The following MACROD2 variants were observed in gnomAD, a reference collection of about 807,000 sequenced individuals.
MACROD2 encodes mono-ADP ribosylhydrolase 2.
In MACROD2, 36 loss-of-function variants were observed where a neutral mutation model predicts 70.4. The ratio of observed to expected loss-of-function variants is 0.51; its 90% confidence interval spans 0.39 to 0.68. The LOEUF (loss-of-function observed/expected upper bound fraction) is 0.68, where lower values mean the gene tolerates loss of function less well. Ranked by LOEUF, MACROD2 falls within the 30% of genes least tolerant of loss-of-function variation. MACROD2 has a pLI of 0.00. For missense variants in MACROD2, 496 were observed against 538.4 expected (o/e 0.92, Z 0.78); for synonymous variants, 172 against 178.8 (o/e 0.96, Z 0.30).
chr20:14,287,989 A>G (rs1230488651), intron 3 of MACROD2, among the ~76,000 whole-genome samples: 2 of 152,088 alleles, frequency 1.3e-5, no homozygotes, highest in African/African-American at 2.4e-5. Flanking sequence ...TCAACAATCT[A>G]TCATCTTTTC....
At chr20:14,456,388 T>C (rs1481077148) in intron 3 of MACROD2, among the ~76,000 whole-genome samples, 1 of 151,862 alleles carries the variant, frequency 6.6e-6, no homozygotes, top group African/African-American at 2.4e-5. Flanking sequence ...CAAATCTTAC[T>C]AAAAGCAATT....
intron 5 of MACROD2, among the ~76,000 whole-genome samples, chr20:15,064,114 C>CT (rs961137555): frequency 4.5e-4 from 68 of 152,046 alleles, no homozygotes; most frequent in Non-Finnish European, 4.9e-4. Context: ...CTGCTGCCCC[C>CT]TTTTTTTAGA....
chr20:14,092,290 G>C (rs373578372), intron 3 of MACROD2, among the ~76,000 whole-genome samples: 45 of 151,900 alleles, frequency 3.0e-4, no homozygotes, highest in African/African-American at 8.4e-4. Flanking sequence ...ATGCTTATTT[G>C]CCACCTGTAT....
intron 3 of MACROD2, among the ~76,000 whole-genome samples, chr20:14,344,121 G>C (rs2122671752): frequency 6.6e-6 from 1 of 152,184 alleles, no homozygotes; most frequent in Non-Finnish European, 1.5e-5. Flanking sequence ...GCTTAATGTT[G>C]AAAGAAACAT....
chr20:15,682,097 C>T (rs2050168123), intron 8 of MACROD2, among the ~76,000 whole-genome samples: 1 of 152,094 alleles, frequency 6.6e-6, no homozygotes, highest in Non-Finnish European at 1.5e-5. Context: ...TAACATGTAG[C>T]CACCTATGGG....
chr20:15,160,929 GAGAT>G (rs1213244495), intron 5 of MACROD2, among the ~76,000 whole-genome samples: 2 of 152,016 alleles, frequency 1.3e-5, no homozygotes, highest in African/African-American at 2.4e-5. Context: ...TTTTACTAGA[GAGAT>G]AGAAGTTTTG....
At position 15,519,055 on chromosome 20, in the gene MACROD2, TTTCCTTCCTTCCTTCCTTCCTTCC is replaced by T. The variant is rs373164988; in HGVS notation, c.645+19251_645+19274del. Among the ~76,000 whole-genome samples, 142 of 116,426 alleles carry T rather than the reference TTTCCTTCCTTCCTTCCTTCCTTCC, an allele frequency of 1.2e-3. 1 individual carries two copies. The highest frequency in any genetic ancestry group is 2.3e-3 in the African/African-American group (72 of 31,442). The allele number at this position is 116,426 out of a possible 152,430, so 76.4% of individuals were successfully genotyped here. Reference sequence around the variant, plus strand: ...TGAAGTAGGAACTGTTAACTCGCTCTTTCCTTCCTTCCTTCCTTCCTTCCTTCCTTCCTTCCTTCCTTCCTTCCT... The same window carrying T: ...TGAAGTAGGAACTGTTAACTCGCTCTTTCCTTCCTTCCTTCCTTCCTTCCT... On this transcript the variant is annotated intron_variant, in intron 8 of 17. Coordinates refer to ENST00000684519, the MANE Select transcript of MACROD2 (RefSeq NM_001351661.2).
intron 8 of MACROD2, among the ~76,000 whole-genome samples, chr20:15,760,731 CTG>C (rs890051288): frequency 1.2e-4 from 18 of 152,294 alleles, no homozygotes; most frequent in African/African-American, 3.8e-4. Flanking sequence ...ACCCTGCACA[CTG>C]TTTTTCAGCT....
Position 15,239,005 on chromosome 20 carries a change from C to T in MACROD2, c.540+8944C>T, listed in dbSNP as rs1214049884. On this transcript the variant is annotated intron_variant, in intron 6 of 17. Coordinates refer to ENST00000684519, the MANE Select transcript of MACROD2 (RefSeq NM_001351661.2). Reference sequence around the variant, plus strand: ...GTGCTTTATTTTTCCCTGACCTGAGCGGCAGTTATTAGATCACTGTATCAT... The same window carrying T: ...GTGCTTTATTTTTCCCTGACCTGAGTGGCAGTTATTAGATCACTGTATCAT... Among the ~76,000 whole-genome samples, 10 of 152,130 alleles carry T rather than the reference C, an allele frequency of 6.6e-5. No homozygotes were observed. The South Asian group carries it at 1.7e-3, about 25-fold the overall frequency.
chr20:15,836,640 T>A (rs1206003308), intron 8 of MACROD2, among the ~76,000 whole-genome samples: 1 of 152,196 alleles, frequency 6.6e-6, no homozygotes, highest in Admixed American at 6.5e-5. Context: ...TTTTATTCAT[T>A]TTACAAATTG....
At chr20:14,964,860 C>G (rs1024785233) in intron 5 of MACROD2, among the ~76,000 whole-genome samples, 7 of 152,166 alleles carry the variant, frequency 4.6e-5, no homozygotes, top group African/African-American at 1.4e-4. Context: ...GATGAATGCC[C>G]TCTGCACCCT....
intron 3 of MACROD2, among the ~76,000 whole-genome samples, chr20:14,189,458 A>G (rs1356249362): frequency 1.3e-5 from 2 of 152,220 alleles, no homozygotes; most frequent in African/African-American, 4.8e-5. Flanking sequence ...TTGCTTAATT[A>G]CAGCAGCTTT....
rs533162539 is a variant in MACROD2 at position 14,474,061 on chromosome 20, G to A, written c.272-19418G>A. On this transcript the variant is annotated intron_variant, in intron 3 of 17. Transcript: ENST00000684519. The stretch of plus-strand genomic sequence containing the variant: ...GCTGCTTGAGTTCCTTATATTTTCT[G>A]GATATTAACCCCTTGTTAGATGCAT... Among the ~76,000 whole-genome samples, 336 of 151,532 alleles carry A rather than the reference G, an allele frequency of 2.2e-3. 5 individuals carry two copies. The highest frequency in any genetic ancestry group is 7.7e-3 in the African/African-American group (318 of 41,368).
chr20:14,545,301 C>G (rs1249635993), intron 4 of MACROD2, among the ~76,000 whole-genome samples: 2 of 152,144 alleles, frequency 1.3e-5, no homozygotes, highest in Admixed American at 6.6e-5. Context: ...GTATTGTTGG[C>G]TGCTCCTTGG....
At chr20:15,191,272 T>TGA (rs1376636606) in intron 5 of MACROD2, among the ~76,000 whole-genome samples, 1 of 152,204 alleles carries the variant, frequency 6.6e-6, no homozygotes, top group East Asian at 1.9e-4. Flanking sequence ...TTGAGGGTTG[T>TGA]CTGCAGGGAC....
intron 3 of MACROD2, among the ~76,000 whole-genome samples, chr20:14,124,247 C>A (rs2054618959): frequency 6.6e-6 from 1 of 151,998 alleles, no homozygotes; most frequent in Non-Finnish European, 1.5e-5. Context: ...TATTTCATTT[C>A]TTTTGGGATG....
At chr20:14,968,242 T>C (rs917129823) in intron 5 of MACROD2, among the ~76,000 whole-genome samples, 1 of 152,140 alleles carries the variant, frequency 6.6e-6, no homozygotes, top group Non-Finnish European at 1.5e-5. Context: ...CTTGACCCAA[T>C]GAAGTAAAAT....
intron 10 of MACROD2, among the ~76,000 whole-genome samples, chr20:15,919,426 A>T (rs1041491302): frequency 6.6e-6 from 1 of 152,136 alleles, no homozygotes; most frequent in Non-Finnish European, 1.5e-5. Flanking sequence ...TTGGTTGGCT[A>T]ATTGTTTCAG....
At chr20:14,862,700 AATATAT>A (rs1237407076) in intron 5 of MACROD2, among the ~76,000 whole-genome samples, 2 of 60,270 alleles carry the variant, frequency 3.3e-5, no homozygotes, top group African/African-American at 1.3e-4. Flanking sequence ...AATATATATA[AATATAT>A]ATATATATAT....
Sources: gnomAD v4.1 joint callset for allele counts (sites outside exome capture counted in the v4.1 genomes callset) on GRCh38, gnomAD v4.1.1 for gene constraint, MANE v1.5 for transcripts, NCBI Gene and HGNC (gene_info 2026-07-23, HGNC 2026-07-21) for gene names.